The following SLC39A11 variants were observed in gnomAD, a reference collection of about 807,000 sequenced individuals.
SLC39A11 encodes the protein solute carrier family 39 member 11, also known as zinc transporter ZIP11.
SLC39A11 carries 33 observed loss-of-function variants against 36.1 expected under a neutral mutation model. That is an observed-to-expected ratio of 0.91 (90% CI 0.69 to 1.22). SLC39A11 has a LOEUF of 1.22. Ranked by LOEUF, SLC39A11 falls within the 50% of genes most tolerant of loss-of-function variation. The pLI is 0.00. For missense variants in SLC39A11, 432 were observed against 430.3 expected (o/e 1.00, Z -0.03); for synonymous variants, 166 against 170.3 (o/e 0.97, Z 0.20).
chr17:72,854,707 TCA>T (rs2146098089), intron 5 of SLC39A11, among the ~76,000 whole-genome samples: 1 of 152,222 alleles, frequency 6.6e-6, no homozygotes, highest in East Asian at 1.9e-4. Flanking sequence ...ATCTAAGAAT[TCA>T]CACAAAGAAA....
chr17:72,688,308 G>A (rs372158428), intron 7 of SLC39A11, among the ~76,000 whole-genome samples: 6 of 152,352 alleles, frequency 3.9e-5, no homozygotes, highest in East Asian at 1.9e-4. Context: ...GCCAGGCTAC[G>A]AGGGGGCCCA....
chr17:72,751,433 C>T (rs1196164654), intron 6 of SLC39A11, among the ~76,000 whole-genome samples: 1 of 152,154 alleles, frequency 6.6e-6, no homozygotes, highest in East Asian at 1.9e-4. Flanking sequence ...TTCCTTCCTT[C>T]CTCCCTTTCT....
intron 6 of SLC39A11, among the ~76,000 whole-genome samples, chr17:72,747,198 T>C (rs937771625): frequency 1.3e-5 from 2 of 152,184 alleles, no homozygotes; most frequent in Non-Finnish European, 2.9e-5. Flanking sequence ...AATATTTCCA[T>C]TTGAGACAGA....
chr17:73,060,073 G>A (rs761274685), intron 3 of SLC39A11, among the ~76,000 whole-genome samples: 7 of 151,994 alleles, frequency 4.6e-5, no homozygotes, highest in Admixed American at 1.3e-4. Flanking sequence ...GCCAAGCATG[G>A]TGGTGGGTGC....
At chr17:72,762,000 G>A (rs1161951741) in intron 6 of SLC39A11, among the ~76,000 whole-genome samples, 5 of 152,206 alleles carry the variant, frequency 3.3e-5, no homozygotes, top group Non-Finnish European at 7.3e-5. Flanking sequence ...TTTTAGGCGA[G>A]TCTAGAGTAC....
chr17:72,862,550 G>C (rs912491310), intron 5 of SLC39A11, among the ~76,000 whole-genome samples: 1 of 152,180 alleles, frequency 6.6e-6, no homozygotes, highest in African/African-American at 2.4e-5. Context: ...GACACACAAA[G>C]AATGGCTTAG....
chr17:72,729,232 T>C (rs1167468341), intron 7 of SLC39A11, among the ~76,000 whole-genome samples: 5 of 149,968 alleles, frequency 3.3e-5, no homozygotes, highest in Non-Finnish European at 5.9e-5. Flanking sequence ...ATCCAATCCT[T>C]TATTTATTTA....
intron 7 of SLC39A11, among the ~76,000 whole-genome samples, chr17:72,686,000 C>T (rs1434906142): frequency 1.3e-5 from 2 of 151,744 alleles, no homozygotes; most frequent in East Asian, 1.9e-4. Context: ...CCCACCACTG[C>T]ACTCCAGCTT....
chr17:72,911,891 GC>G (rs1236734431), intron 5 of SLC39A11, among the ~76,000 whole-genome samples: 1 of 152,132 alleles, frequency 6.6e-6, no homozygotes, highest in Non-Finnish European at 1.5e-5. Context: ...TGATCTGCCC[GC>G]CTTGGCCTCC....
At chr17:72,924,162 A>AT (rs34723416) in intron 5 of SLC39A11, among the ~76,000 whole-genome samples, 1,558 of 120,536 alleles carry the variant, frequency 0.013, 39 homozygotes, top group African/African-American at 0.05. Context: ...AAAAAAAAAA[A>AT]TTTTTTTTTT....
At chr17:72,744,084 C>A (rs1440185514) in intron 6 of SLC39A11, among the ~76,000 whole-genome samples, 1 of 152,182 alleles carries the variant, frequency 6.6e-6, no homozygotes, top group African/African-American at 2.4e-5. Context: ...GCCTCCTCTG[C>A]GGAAAACAGT....
At chr17:72,975,507 C>T (rs139129089) in intron 4 of SLC39A11, among the ~76,000 whole-genome samples, 1 of 152,272 alleles carries the variant, frequency 6.6e-6, no homozygotes, top group Middle Eastern at 3.4e-3. Flanking sequence ...TCACCCCTTC[C>T]GCCATGTAAG....
At chr17:72,784,916 G>C (rs1363147642) in intron 6 of SLC39A11, among the ~76,000 whole-genome samples, 1 of 149,032 alleles carries the variant, frequency 6.7e-6, no homozygotes, top group Non-Finnish European at 1.5e-5. Flanking sequence ...CTGGAGTGCA[G>C]TGGTGCAATC....
chr17:72,746,599 G>A (rs1177461687), intron 6 of SLC39A11, among the ~76,000 whole-genome samples: 2 of 152,106 alleles, frequency 1.3e-5, no homozygotes, highest in Admixed American at 6.6e-5. Context: ...TTAGCCGGGC[G>A]TGGTGGTGGG....
chr17:72,771,734 G>T (rs1053949485), intron 6 of SLC39A11, among the ~76,000 whole-genome samples: 3 of 152,180 alleles, frequency 2.0e-5, no homozygotes, highest in African/African-American at 7.2e-5. Context: ...AAGAAAAAAC[G>T]ATGTGTGATT....
intron 5 of SLC39A11, among the ~76,000 whole-genome samples, chr17:72,917,575 GA>G (rs2083404887): frequency 6.6e-6 from 1 of 152,110 alleles, no homozygotes. Context: ...TCTAGAAATG[GA>G]AAAAGATGGA....
Position 72,657,994 on chromosome 17 carries a change from G to T in SLC39A11, c.672-8726C>A, listed in dbSNP as rs2070218016. On this transcript the variant is annotated intron_variant, in intron 7 of 9. Coordinates refer to ENST00000255559, the MANE Select transcript of SLC39A11 (RefSeq NM_139177.4). ...AGCCCTGAGTGGCATCCAGGAACTG[G>T]GCAGGCACGGCAGAAGCAGAAGGGA... 2.6e-5 allele frequency among the ~76,000 whole-genome samples: 4 copies of T among 152,328 alleles called. No individual in the cohort carries two copies. The South Asian group carries it at 8.3e-4, about 32-fold the overall frequency.
chr17:73,023,511 A>G (rs2058427618), intron 4 of SLC39A11, among the ~76,000 whole-genome samples: 1 of 152,034 alleles, frequency 6.6e-6, no homozygotes, highest in Non-Finnish European at 1.5e-5. Context: ...TGTGTTTTTG[A>G]GGCAGTGTCT....
chr17:72,829,524 G>A (rs1258017981), intron 6 of SLC39A11, among the ~76,000 whole-genome samples: 1 of 152,084 alleles, frequency 6.6e-6, no homozygotes, highest in African/African-American at 2.4e-5. Flanking sequence ...AAGGGCAGCT[G>A]GGCAGAAGTT....
Sources: allele counts gnomAD v4.1 joint callset (sites outside exome capture counted in the v4.1 genomes callset), GRCh38; gene constraint gnomAD v4.1.1; transcripts MANE v1.5; gene names NCBI Gene and HGNC (gene_info 2026-07-23, HGNC 2026-07-21).